Variants in PLBD1 observed in about 807,000 individuals in gnomAD.
PLBD1 encodes the protein phospholipase B domain containing 1.
Under a neutral mutation model 63.0 loss-of-function variants are expected in PLBD1, and 60 were observed. The ratio of observed to expected loss-of-function variants is 0.95; its 90% confidence interval spans 0.77 to 1.18. The LOEUF (loss-of-function observed/expected upper bound fraction) is 1.18. PLBD1 is among the 50% of genes most tolerant of loss of function. PLBD1 has a pLI of 0.00. For synonymous variants in PLBD1, 262 were observed against 248.0 expected, an observed-to-expected ratio of 1.06 and a Z score of -0.53; for missense variants, 598 against 677.9, an observed-to-expected ratio of 0.88 and a Z score of 1.31.
intron 1 of PLBD1, among the ~76,000 whole-genome samples, chr12:14,566,306 G>C (rs1183859099): frequency 6.6e-6 from 1 of 152,098 alleles, no homozygotes; most frequent in Non-Finnish European, 1.5e-5. Context: ...AAAGATTTAA[G>C]ATTGAAGAGT....
At chr12:14,542,629 C>T (rs576907146) in intron 2 of PLBD1, among the ~76,000 whole-genome samples, 1 of 152,212 alleles carries the variant, frequency 6.6e-6, no homozygotes, top group Non-Finnish European at 1.5e-5. Context: ...TCCCTTCTCC[C>T]AAGAGGTAAT....
intron 6 of PLBD1, among the ~76,000 whole-genome samples, chr12:14,524,502 AT>A (rs933511056): frequency 6.6e-6 from 1 of 152,178 alleles, no homozygotes; most frequent in African/African-American, 2.4e-5. Flanking sequence ...ATGGTGTGCT[AT>A]TTTTCAAGTC....
chr12:14,510,577 A>G (rs1945290346), intron 8 of PLBD1, among the ~76,000 whole-genome samples: 1 of 152,238 alleles, frequency 6.6e-6, no homozygotes, highest in Admixed American at 6.5e-5. Flanking sequence ...TAAAATTACA[A>G]ATACGTGGTT....
intron 3 of PLBD1, among the ~76,000 whole-genome samples, chr12:14,541,520 A>G (rs1945570625): frequency 6.6e-6 from 1 of 152,184 alleles, no homozygotes; most frequent in African/African-American, 2.4e-5. Context: ...TGCGTACTGA[A>G]AACTATTTCT....
Position 14,567,837 on chromosome 12 carries a change from A to C in PLBD1, c.-141T>G. The stretch of plus-strand genomic sequence containing the variant: ...GCGTCCTCAACTTTCCTCTTTCTTG[A>C]GCCCGGCCTGCTCCGGGCTCTGAGG... On this transcript the variant is annotated 5_prime_UTR_variant, in exon 1 of 11. Coordinates refer to ENST00000240617, the MANE Select transcript of PLBD1 (RefSeq NM_024829.6). 1.7e-6 allele frequency: 2 copies of C among 1,192,324 alleles called. No individual in the cohort carries two copies. Among genetic ancestry groups the C allele is most frequent in the Non-Finnish European group, 2.2e-6 (2 of 918,532 alleles). 73.9% of individuals were successfully genotyped at this position (1,192,324 alleles called of 1,614,324 possible). A position where few individuals can be genotyped will look rare whatever the true frequency, so the allele number is the denominator to read the frequency against.
intron 1 of PLBD1, among the ~76,000 whole-genome samples, chr12:14,566,400 G>T (rs1181494274): frequency 6.6e-6 from 1 of 152,126 alleles, no homozygotes; most frequent in African/African-American, 2.4e-5. Flanking sequence ...TTAGGAAGGG[G>T]CATCCTCCCC....
chr12:14,543,242 ATTC>A (rs1040253579), intron 2 of PLBD1, among the ~76,000 whole-genome samples: 1 of 151,656 alleles, frequency 6.6e-6, no homozygotes, highest in African/African-American at 2.4e-5. Flanking sequence ...ATGTATTTTT[ATTC>A]TTAATATTAA....
intron 6 of PLBD1, among the ~76,000 whole-genome samples, chr12:14,529,841 G>A (rs1029512468): frequency 3.3e-5 from 5 of 152,126 alleles, no homozygotes; most frequent in South Asian, 4.2e-4. Context: ...TTTATTTAGA[G>A]ATGTCATGAT....
intron 2 of PLBD1, among the ~76,000 whole-genome samples, chr12:14,550,307 G>C (rs1269600266): frequency 6.6e-6 from 1 of 152,182 alleles, no homozygotes; most frequent in African/African-American, 2.4e-5. Flanking sequence ...CCCCACTCCT[G>C]ATCATTTGCC....
At chr12:14,565,471 G>A (rs1294458267) in intron 1 of PLBD1, among the ~76,000 whole-genome samples, 6 of 144,606 alleles carry the variant, frequency 4.1e-5, no homozygotes, top group African/African-American at 1.5e-4. Context: ...GGAAATAATA[G>A]TAAAAAAAAA....
At position 14,536,634 on chromosome 12, in the gene PLBD1, G is replaced by A. The variant is rs766038190; in HGVS notation, c.635C>T (p.Thr212Ile). ...LLDLIPSLSP[T>I]KNGSLKVFKR... ...AAAAACCTTTAGGCTGCCGTTTTTT[G>A]TGGGAGAGAGTGAGGGAATCAGATC... The change falls in exon 5 of 11, where the codon ACA (threonine) becomes ATA (isoleucine). Residue 212 changes from threonine (T) to isoleucine (I), a missense_variant. Coordinates refer to ENST00000240617, the MANE Select transcript of PLBD1 (RefSeq NM_024829.6). The A allele has an allele frequency of 6.2e-7, 1 of 1,614,130 alleles. No homozygotes were observed. The highest frequency in any genetic ancestry group is 1.1e-5 in the South Asian group (1 of 91,080).
intron 8 of PLBD1, among the ~76,000 whole-genome samples, chr12:14,509,942 C>T (rs1945283864): frequency 6.6e-6 from 1 of 152,192 alleles, no homozygotes; most frequent in Non-Finnish European, 1.5e-5. Context: ...CACACTCCCA[C>T]ATCCAGAAAT....
At chr12:14,531,351 T>A (rs1945460212) in intron 6 of PLBD1, 1 of 152,180 alleles carries the variant, frequency 6.6e-6, no homozygotes, top group Non-Finnish European at 1.5e-5. Flanking sequence ...ACAACACAGA[T>A]CTCCTTGCCT....
intron 10 of PLBD1, among the ~76,000 whole-genome samples, chr12:14,505,371 A>G (rs1945245441): frequency 6.6e-6 from 1 of 152,214 alleles, no homozygotes; most frequent in African/African-American, 2.4e-5. Flanking sequence ...CACACACCCA[A>G]GCCAAGAGTG....
At chr12:14,544,770 T>C (rs9630252) in intron 2 of PLBD1, among the ~76,000 whole-genome samples, 311 of 152,304 alleles carry the variant, frequency 2.0e-3, no homozygotes, top group African/African-American at 6.6e-3. Context: ...TAATTTTCTT[T>C]TATATTTTAA....
At chr12:14,564,984 T>A (rs912247524) in intron 1 of PLBD1, among the ~76,000 whole-genome samples, 1 of 152,162 alleles carries the variant, frequency 6.6e-6, no homozygotes, top group Admixed American at 6.6e-5. Flanking sequence ...ACATACCACT[T>A]AGAAAAAATT....
chr12:14,511,680 A>T lies in PLBD1; in HGVS notation c.876T>A (p.Ile292=). Residue 292 remains isoleucine (I), a synonymous_variant, in exon 7 of 11, where the codon ATT becomes ATA. Coordinates refer to ENST00000240617, the MANE Select transcript of PLBD1 (RefSeq NM_024829.6). ...GFLESLDDFY[I]LSSGLILLQT... Reference sequence around the variant, plus strand: ...GCAGCAATATCAATCCACTGCTAAGAATGTAAAAATCATCCAGAGACTCCA... The same window carrying T: ...GCAGCAATATCAATCCACTGCTAAGTATGTAAAAATCATCCAGAGACTCCA... 1 of 1,614,184 alleles carries T rather than the reference A, an allele frequency of 6.2e-7. No homozygotes were observed. Among genetic ancestry groups the T allele is most frequent in the Non-Finnish European group, 8.5e-7 (1 of 1,180,010 alleles).
At chr12:14,508,196 T>C (rs1225493324) in intron 8 of PLBD1, among the ~76,000 whole-genome samples, 2 of 152,238 alleles carry the variant, frequency 1.3e-5, no homozygotes, top group African/African-American at 4.8e-5. Flanking sequence ...AGGAATTAGA[T>C]TGCCTGGATT....
At chr12:14,545,103 CAT>C (rs1359151768) in intron 2 of PLBD1, among the ~76,000 whole-genome samples, 5 of 152,106 alleles carry the variant, frequency 3.3e-5, no homozygotes, top group African/African-American at 1.2e-4. Flanking sequence ...TTGGGACTTC[CAT>C]CCTATGGAAT....
Sources: gnomAD v4.1 joint callset for allele counts (sites outside exome capture counted in the v4.1 genomes callset) on GRCh38, gnomAD v4.1.1 for gene constraint, MANE v1.5 for transcripts, NCBI Gene and HGNC (gene_info 2026-07-23, HGNC 2026-07-21) for gene names.